LGSN: variants seen among roughly 807,000 people sequenced by gnomAD.
LGSN encodes lengsin.
A neutral mutation model predicts 19.5 loss-of-function variants in LGSN; 21 were observed. That is an observed-to-expected ratio of 1.07 (90% CI 0.76 to 1.55). LGSN has a LOEUF of 1.55. LGSN is among the 40% of genes most tolerant of loss of function. The probability of loss-of-function intolerance (pLI) is 0.00; values close to 1 mark genes in which losing one functional copy is unlikely to be tolerated. For missense variants in LGSN, 673 were observed against 608.5 expected (o/e 1.11, Z -1.12); for synonymous variants, 257 against 215.6 (o/e 1.19, Z -1.68).
At position 63,285,638 on chromosome 6, in the gene LGSN, T is replaced by G; in HGVS notation, c.279A>C (p.Thr93=). 6.2e-7 allele frequency: 1 copy of G among 1,614,146 alleles called. No individual in the cohort carries two copies. The highest frequency in any genetic ancestry group is 8.5e-7 in the Non-Finnish European group (1 of 1,180,006). The change falls in exon 3 of 4, where the codon ACA becomes ACC. Residue 93 remains threonine, a synonymous_variant. Transcript: ENST00000370657. ...TAGACCTGGACACGCCGTGGAGGTC[T>G]GTTGCTTCAAATCGTACAAACTGGA... ...NRLQFVRFEA[T]DLHGVSRSKT...
the LGSN span, among the ~76,000 whole-genome samples, chr6:63,476,014 G>T: frequency 6.6e-6 from 1 of 152,178 alleles, no homozygotes; most frequent in South Asian, 2.1e-4. Flanking sequence ...ATCAAGAGCC[G>T]AGTGGAGATA....
chr6:63,466,977 A>G, the LGSN span, among the ~76,000 whole-genome samples: 1 of 152,326 alleles, frequency 6.6e-6, no homozygotes, highest in East Asian at 1.9e-4. Context: ...ATAAATCAGC[A>G]TATATAAAAC....
At chr6:63,534,881 G>A in the LGSN span, among the ~76,000 whole-genome samples, 1 of 141,568 alleles carries the variant, frequency 7.1e-6, no homozygotes, top group Non-Finnish European at 1.5e-5. Flanking sequence ...ATTTCAACAT[G>A]GTGAAATTTC....
intron 1 of LGSN, among the ~76,000 whole-genome samples, chr6:63,296,859 G>A (rs1332876847): frequency 1.3e-5 from 2 of 152,174 alleles, no homozygotes; most frequent in Admixed American, 1.3e-4. Context: ...GTGAATGAAA[G>A]ATGCAGTTTC....
At chr6:63,558,779 T>C in the LGSN span, among the ~76,000 whole-genome samples, 1 of 152,164 alleles carries the variant, frequency 6.6e-6, no homozygotes, top group African/African-American at 2.4e-5. Context: ...TTCTTTAAAA[T>C]ACCAACACCT....
At chr6:63,285,327 C>T (rs1767481495) in intron 3 of LGSN, among the ~76,000 whole-genome samples, 1 of 152,070 alleles carries the variant, frequency 6.6e-6, no homozygotes, top group Non-Finnish European at 1.5e-5. Context: ...TTATTCAAGG[C>T]AGGACTAAAA....
the LGSN span, among the ~76,000 whole-genome samples, chr6:63,538,191 G>C: frequency 3.3e-5 from 5 of 152,296 alleles, no homozygotes; most frequent in East Asian, 9.6e-4. Context: ...TTTACCAGTA[G>C]GGAAATGACA....
chr6:63,297,081 C>T (rs990034427), intron 1 of LGSN, among the ~76,000 whole-genome samples: 1 of 152,082 alleles, frequency 6.6e-6, no homozygotes, highest in Non-Finnish European at 1.5e-5. Context: ...GTGGCTCACA[C>T]ATGTAATCCC....
chr6:63,498,405 T>C, the LGSN span, among the ~76,000 whole-genome samples: 1 of 152,108 alleles, frequency 6.6e-6, no homozygotes, highest in African/African-American at 2.4e-5. Context: ...CATTATTCCC[T>C]ATCTCATCTC....
At chr6:63,331,783 T>A in the LGSN span, among the ~76,000 whole-genome samples, 2 of 152,144 alleles carry the variant, frequency 1.3e-5, no homozygotes, top group African/African-American at 2.4e-5. Flanking sequence ...CCCTTACTGA[T>A]GCATCCTTGA....
At chr6:63,288,262 T>C (rs1326530346) in intron 2 of LGSN, among the ~76,000 whole-genome samples, 1 of 136,340 alleles carries the variant, frequency 7.3e-6, no homozygotes, top group Non-Finnish European at 1.7e-5. Context: ...AATAAATAAA[T>C]AAATAAATAA....
At chr6:63,339,983 T>C in the LGSN span, among the ~76,000 whole-genome samples, 54 of 152,292 alleles carry the variant, frequency 3.5e-4, no homozygotes, top group Admixed American at 8.5e-4. Flanking sequence ...GCTTTTCTTA[T>C]AAAGACTTTA....
the LGSN span, among the ~76,000 whole-genome samples, chr6:63,366,857 T>C: frequency 4.0e-5 from 6 of 150,976 alleles, no homozygotes; most frequent in Non-Finnish European, 8.8e-5. Context: ...CCCTATTTAA[T>C]AAATGGTGCT....
chr6:63,418,652 G>C, the LGSN span, among the ~76,000 whole-genome samples: 2 of 152,118 alleles, frequency 1.3e-5, no homozygotes, highest in African/African-American at 4.8e-5. Context: ...CAGGACTCAA[G>C]GGGAAATACA....
At chr6:63,564,242 C>T in the LGSN span, among the ~76,000 whole-genome samples, 1 of 150,528 alleles carries the variant, frequency 6.6e-6, no homozygotes, top group Non-Finnish European at 1.5e-5. Flanking sequence ...CACCATTGCA[C>T]TCCAGCCTGG....
At chr6:63,292,931 C>T (rs1767833866) in intron 2 of LGSN, among the ~76,000 whole-genome samples, 1 of 152,168 alleles carries the variant, frequency 6.6e-6, no homozygotes, top group African/African-American at 2.4e-5. Flanking sequence ...GACACTATCC[C>T]TCTAACGTCC....
At chr6:63,523,756 CGTTAGT>C in the LGSN span, among the ~76,000 whole-genome samples, 1 of 152,082 alleles carries the variant, frequency 6.6e-6, no homozygotes. Flanking sequence ...CATCAGCTAT[CGTTAGT>C]GTTAGTGTAT....
At chr6:63,291,715 AG>A (rs769210129) in intron 2 of LGSN, among the ~76,000 whole-genome samples, 2 of 152,202 alleles carry the variant, frequency 1.3e-5, no homozygotes, top group South Asian at 4.1e-4. Flanking sequence ...GGCCTTTGCC[AG>A]GGGACTGCCC....
chr6:63,405,861 G>A, the LGSN span, among the ~76,000 whole-genome samples: 2 of 152,152 alleles, frequency 1.3e-5, no homozygotes, highest in African/African-American at 4.8e-5. Flanking sequence ...AACAAAAAAA[G>A]GCAGGGGTTG....
Sources: allele counts gnomAD v4.1 joint callset (sites outside exome capture counted in the v4.1 genomes callset), GRCh38; gene constraint gnomAD v4.1.1; transcripts MANE v1.5; gene names NCBI Gene and HGNC (gene_info 2026-07-23, HGNC 2026-07-21).